The following SEL1L3 variants were observed in gnomAD, a reference collection of about 807,000 sequenced individuals.
SEL1L3 encodes SEL1L family member 3.
SEL1L3 carries 76 observed loss-of-function variants against 142.8 expected under a neutral mutation model. The observed-to-expected ratio is 0.53, with a 90% CI of 0.44 to 0.64. The LOEUF is 0.64. Among genes scored for constraint, SEL1L3 ranks in the 30% least tolerant of loss-of-function variants. The pLI, the probability that SEL1L3 is intolerant of heterozygous loss-of-function variation, is 0.00. For synonymous variants in SEL1L3, 504 were observed against 519.6 expected (o/e 0.97, Z 0.41); for missense variants, 1,262 against 1,381.7 (o/e 0.91, Z 1.37).
intron 9 of SEL1L3, among the ~76,000 whole-genome samples, chr4:25,810,678 C>A (rs1242144878): frequency 1.3e-5 from 2 of 152,188 alleles, no homozygotes; most frequent in Admixed American, 6.5e-5. Context: ...AGAGTCCCCT[C>A]TTCCGGAGTC....
At chr4:25,714,222 T>C in the SEL1L3 span, among the ~76,000 whole-genome samples, 1 of 152,154 alleles carries the variant, frequency 6.6e-6, no homozygotes, top group Admixed American at 6.5e-5. Flanking sequence ...TGAAGCCCCA[T>C]GGGACCACCA....
At chr4:25,794,198 C>G (rs1182018144) in intron 11 of SEL1L3, among the ~76,000 whole-genome samples, 1 of 152,216 alleles carries the variant, frequency 6.6e-6, no homozygotes, top group Non-Finnish European at 1.5e-5. Context: ...TAAACAGCTT[C>G]TGCACTGCAA....
At chr4:25,722,201 A>T in the SEL1L3 span, among the ~76,000 whole-genome samples, 1 of 152,188 alleles carries the variant, frequency 6.6e-6, no homozygotes, top group African/African-American at 2.4e-5. Flanking sequence ...AAGGTAATGG[A>T]AGATGAGTTA....
chr4:25,762,974 CAA>C (rs34744540), intron 20 of SEL1L3, among the ~76,000 whole-genome samples: 9,201 of 112,752 alleles, frequency 0.082, 294 homozygotes, highest in East Asian at 0.13. Flanking sequence ...GACTCTGTGT[CAA>C]AAAAAAAAAA....
At chr4:25,863,542 C>G (rs1237292944), upstream of SEL1L3, 1 of 702,664 alleles carries the variant, frequency 1.4e-6, no homozygotes, top group African/African-American at 1.7e-5. Flanking sequence ...AGTGTGCCCC[C>G]TGGAGTTGTG....
In SEL1L3 at chr4:25,758,135, T is replaced by C. The variant is rs528355299; in HGVS notation, c.3084-345A>G. Among the ~76,000 whole-genome samples, 9 of 152,284 alleles carry C rather than the reference T, an allele frequency of 5.9e-5. No individual in the cohort carries two copies. The East Asian group carries it at 1.7e-3, about 29-fold the overall frequency. ...AGGACCCACTAGAACAGTATTTCTG[T>C]TTAAAGCACAGATGTAGGAATGCCT... is the stretch of plus-strand genomic sequence containing the variant. On this transcript the variant is annotated intron_variant, in intron 21 of 23. Coordinates refer to ENST00000399878, the MANE Select transcript of SEL1L3 (RefSeq NM_015187.5).
At chr4:25,809,654 A>ATCTC (rs201386655) in intron 9 of SEL1L3, among the ~76,000 whole-genome samples, 1 of 148,304 alleles carries the variant, frequency 6.7e-6, no homozygotes, top group Non-Finnish European at 1.5e-5. Context: ...TCCTTCCTCC[A>ATCTC]TCTCTCTCTC....
intron 8 of SEL1L3, among the ~76,000 whole-genome samples, chr4:25,819,137 C>G (rs1244851662): frequency 6.6e-6 from 1 of 152,206 alleles, no homozygotes; most frequent in Non-Finnish European, 1.5e-5. Context: ...AGATCCACAG[C>G]ACAGAGAAAT....
chr4:25,714,536 CTTTCTTTCTTTCTTTCTTCT>C, the SEL1L3 span, among the ~76,000 whole-genome samples: 44 of 98,730 alleles, frequency 4.5e-4, no homozygotes, highest in African/African-American at 1.3e-3. Flanking sequence ...TTCTTTCTTT[CTTTCTTTCTTTCTTTCTTCT>C]TTCTTTCTTT....
chr4:25,739,221 C>G, the SEL1L3 span, among the ~76,000 whole-genome samples: 1 of 151,036 alleles, frequency 6.6e-6, no homozygotes, highest in Non-Finnish European at 1.5e-5. Flanking sequence ...AAAAGAAAAA[C>G]AAAAACAACA....
chr4:25,746,172 G>C (rs546176848), downstream of SEL1L3, among the ~76,000 whole-genome samples: 2 of 152,016 alleles, frequency 1.3e-5, no homozygotes, highest in Non-Finnish European at 1.5e-5. Flanking sequence ...GCTCCCATGA[G>C]AGCAGGTTGT....
At chr4:25,792,014 G>A (rs1426924398) in intron 11 of SEL1L3, among the ~76,000 whole-genome samples, 3 of 152,006 alleles carry the variant, frequency 2.0e-5, no homozygotes, top group African/African-American at 7.2e-5. Context: ...TGAAGCCAGG[G>A]GTCCTTTCCA....
intron 11 of SEL1L3, among the ~76,000 whole-genome samples, chr4:25,794,480 A>G (rs1457406274): frequency 2.0e-5 from 3 of 152,218 alleles, no homozygotes; most frequent in South Asian, 4.1e-4. Context: ...ACAATGAGAT[A>G]CCATCTCATG....
At chr4:25,842,415 C>A (rs73260010) in intron 2 of SEL1L3, among the ~76,000 whole-genome samples, 3,055 of 152,036 alleles carry the variant, frequency 0.02, 36 homozygotes, top group Middle Eastern at 0.044. Context: ...AGGAGCTATT[C>A]TAAGGAAAAG....
Position 25,776,197 on chromosome 4 carries a change from T to G in SEL1L3, c.2669+80A>C, listed in dbSNP as rs1364640210. ...TTTCCCTGCAAATTGCTTTCTCAGT[T>G]GCATTTTAAGACTCCATTTCATAAG... On this transcript the variant is annotated intron_variant, in intron 17 of 23. Transcript: ENST00000399878. 3 of 846,090 alleles carry G rather than the reference T, an allele frequency of 3.5e-6. No homozygotes were observed. The African/African-American group carries it at 5.1e-5, about 14-fold the overall frequency. The allele number at this position is 846,090 out of a possible 1,614,324, so 52.4% of individuals were successfully genotyped here. A position where few individuals can be genotyped will look rare whatever the true frequency, so the allele number is the denominator to read the frequency against.
intron 20 of SEL1L3, 171 bp from the exon 21 acceptor site, chr4:25,759,239 A>G (rs979921779): frequency 9.3e-6 from 6 of 642,876 alleles, no homozygotes; most frequent in Non-Finnish European, 2.6e-6. Context: ...TATGCATCTG[A>G]GAAATTTATT....
chr4:25,785,496 G>A (rs532124733), intron 13 of SEL1L3, among the ~76,000 whole-genome samples: 1 of 152,312 alleles, frequency 6.6e-6, no homozygotes, highest in South Asian at 2.1e-4. Context: ...TGCAGGATAT[G>A]CTTGACTGTG....
At chr4:25,776,606 A>G (rs1719647658) in intron 16 of SEL1L3, 1 of 431,026 alleles carries the variant, frequency 2.3e-6, no homozygotes, top group Non-Finnish European at 4.2e-6. Context: ...AAGATACATA[A>G]TGAAATATAT....
At chr4:25,828,116 C>T (rs1252773543) in intron 6 of SEL1L3, among the ~76,000 whole-genome samples, 1 of 152,078 alleles carries the variant, frequency 6.6e-6, no homozygotes, top group Non-Finnish European at 1.5e-5. Flanking sequence ...TCTCCCTAGG[C>T]CTCAGCCGCT....
Sources: gnomAD v4.1 joint callset for allele counts (sites outside exome capture counted in the v4.1 genomes callset) on GRCh38, gnomAD v4.1.1 for gene constraint, MANE v1.5 for transcripts, NCBI Gene and HGNC (gene_info 2026-07-23, HGNC 2026-07-21) for gene names.